Variants in ADAMTSL3 observed in about 807,000 individuals in gnomAD.
The protein encoded by ADAMTSL3 is ADAMTS-like protein 3.
ADAMTSL3 carries 128 observed loss-of-function variants against 201.7 expected under a neutral mutation model. That is an observed-to-expected ratio of 0.63 (90% CI 0.55 to 0.73). The LOEUF is 0.73. Ranked by LOEUF, ADAMTSL3 falls within the 30% of genes least tolerant of loss-of-function variation. The pLI is 0.00. For missense variants in ADAMTSL3, 1,990 were observed against 2,119.6 expected, an observed-to-expected ratio of 0.94 and a Z score of 1.20; for synonymous variants, 738 against 748.4, an observed-to-expected ratio of 0.99 and a Z score of 0.23.
At chr15:83,835,300 G>A (rs1025512389) in intron 6 of ADAMTSL3, among the ~76,000 whole-genome samples, 5 of 151,680 alleles carry the variant, frequency 3.3e-5, no homozygotes, top group African/African-American at 1.2e-4. Flanking sequence ...AAATTCAGTG[G>A]CCCCTCAATT....
intron 4 of ADAMTSL3, among the ~76,000 whole-genome samples, chr15:83,778,136 C>A (rs1453308766): frequency 6.6e-6 from 1 of 152,058 alleles, no homozygotes; most frequent in Non-Finnish European, 1.5e-5. Flanking sequence ...AGACCAAATC[C>A]ATGACTTACT....
At chr15:83,869,263 A>G (rs1206596843) in intron 8 of ADAMTSL3, among the ~76,000 whole-genome samples, 2 of 152,014 alleles carry the variant, frequency 1.3e-5, no homozygotes, top group African/African-American at 4.8e-5. Flanking sequence ...GGGCCCATTT[A>G]CTATCTCTAG....
intron 26 of ADAMTSL3, 98 bp from the exon 27 acceptor site, chr15:84,025,140 A>G: frequency 1.0e-6 from 1 of 984,144 alleles, no homozygotes; most frequent in South Asian, 1.7e-5. Context: ...AGCCTAAGAT[A>G]GCCATGGTGT....
At chr15:83,830,061 G>A (rs1264917831) in intron 6 of ADAMTSL3, among the ~76,000 whole-genome samples, 1 of 152,088 alleles carries the variant, frequency 6.6e-6, no homozygotes, top group African/African-American at 2.4e-5. Flanking sequence ...GTTGGATGTG[G>A]GGAGTGAGAG....
chr15:83,821,821 G>A (rs1439071751), intron 6 of ADAMTSL3, among the ~76,000 whole-genome samples: 4 of 151,544 alleles, frequency 2.6e-5, no homozygotes, highest in African/African-American at 2.4e-5. Context: ...AGGGGCGGCC[G>A]GGCAGAGGCG....
chr15:83,801,184 T>C (rs2141851966), intron 4 of ADAMTSL3, among the ~76,000 whole-genome samples: 1 of 152,338 alleles, frequency 6.6e-6, no homozygotes, highest in African/African-American at 2.4e-5. Context: ...TATTAAGACA[T>C]GGCCAACCCA....
chr15:83,704,965 AGTGT>A (rs10536633), intron 3 of ADAMTSL3, among the ~76,000 whole-genome samples: 47,621 of 147,490 alleles, frequency 0.32, 7,861 homozygotes, highest in Middle Eastern at 0.45. Context: ...TATGTCTGTG[AGTGT>A]GTGTGTGTGT....
intron 20 of ADAMTSL3, among the ~76,000 whole-genome samples, chr15:83,972,744 C>A (rs994354510): frequency 6.6e-6 from 1 of 152,146 alleles, no homozygotes. Context: ...GGAATGCATG[C>A]TCCCAGCACA....
At position 83,942,896 on chromosome 15, in the gene ADAMTSL3, T is replaced by G; in HGVS notation, c.2311-7T>G. On this transcript the variant is annotated splice_region_variant and splice_polypyrimidine_tract_variant and intron_variant, in intron 18 of 29. Coordinates refer to ENST00000286744, the MANE Select transcript of ADAMTSL3 (RefSeq NM_207517.3). The stretch of plus-strand genomic sequence containing the variant: ...GCCTGCCGCCTCACCCCCTCTTGTC[T>G]TCTTAGTGTTCCAGGACTTGTGGCG... The G allele has an allele frequency of 6.2e-7, 1 of 1,610,904 alleles. No homozygotes were observed. The highest frequency in any genetic ancestry group is 8.5e-7 in the Non-Finnish European group (1 of 1,178,444).
intron 4 of ADAMTSL3, among the ~76,000 whole-genome samples, chr15:83,779,124 G>C (rs894566720): frequency 5.9e-5 from 9 of 152,084 alleles, no homozygotes; most frequent in African/African-American, 2.2e-4. Context: ...CAAATTCTTA[G>C]AGACCTTCAA....
intron 22 of ADAMTSL3, among the ~76,000 whole-genome samples, chr15:83,989,898 G>A (rs1196837884): frequency 2.0e-5 from 3 of 152,182 alleles, no homozygotes; most frequent in Admixed American, 6.5e-5. Context: ...AGACAGTTCT[G>A]CTCCACTTGT....
rs766365650 is a variant in ADAMTSL3 at position 83,870,839 on chromosome 15, A to G, written c.840A>G (p.Glu280=). 5 of 1,611,034 alleles carry G rather than the reference A, an allele frequency of 3.1e-6. No homozygotes were observed. Among genetic ancestry groups the G allele is most frequent in the Non-Finnish European group, 2.5e-6 (3 of 1,179,124 alleles). Residue 280 remains glutamate (E), a synonymous_variant, in exon 9 of 30, where the codon GAA becomes GAG. Transcript: ENST00000286744. The stretch of plus-strand genomic sequence containing the variant: ...AAACACTTCAAGGAAGCAAAGGAGA[A>G]CACAGCTTTAACAGCCCCGGCGTCT... The part of the protein sequence containing the change: ...ESKTLQGSKG[E]HSFNSPGVFL...
At chr15:83,877,006 C>T (rs1383339288) in intron 9 of ADAMTSL3, among the ~76,000 whole-genome samples, 1 of 152,198 alleles carries the variant, frequency 6.6e-6, no homozygotes, top group Non-Finnish European at 1.5e-5. Flanking sequence ...ATTGGCCAGG[C>T]TGGTCTTGAA....
intron 4 of ADAMTSL3, among the ~76,000 whole-genome samples, chr15:83,781,745 C>T (rs919081169): frequency 1.3e-5 from 2 of 152,090 alleles, no homozygotes; most frequent in African/African-American, 4.8e-5. Flanking sequence ...AAACAAACAA[C>T]TCCATTAAAA....
chr15:83,847,047 T>A (rs909548862), intron 7 of ADAMTSL3, among the ~76,000 whole-genome samples: 1 of 152,094 alleles, frequency 6.6e-6, no homozygotes, highest in Non-Finnish European at 1.5e-5. Flanking sequence ...TAAACATACG[T>A]CAGGTTGGGA....
At chr15:83,670,706 T>C (rs1167228874) in intron 2 of ADAMTSL3, among the ~76,000 whole-genome samples, 2 of 152,182 alleles carry the variant, frequency 1.3e-5, no homozygotes, top group African/African-American at 4.8e-5. Context: ...ACTGCTCTGG[T>C]TAATAGACCC....
At chr15:83,810,210 C>A (rs574255394) in intron 5 of ADAMTSL3, among the ~76,000 whole-genome samples, 1 of 152,314 alleles carries the variant, frequency 6.6e-6, no homozygotes, top group South Asian at 2.1e-4. Context: ...GAGCACGATG[C>A]AAATGCTTCA....
At chr15:83,786,466 ACT>A (rs1325369909) in intron 4 of ADAMTSL3, among the ~76,000 whole-genome samples, 3 of 151,914 alleles carry the variant, frequency 2.0e-5, no homozygotes, top group Non-Finnish European at 4.4e-5. Flanking sequence ...TTCTAATTAT[ACT>A]CTTTTAGGTA....
intron 4 of ADAMTSL3, among the ~76,000 whole-genome samples, chr15:83,775,776 G>C (rs919069): frequency 0.78 from 119,041 of 152,160 alleles, 47,530 homozygotes; most frequent in East Asian, 0.98. Flanking sequence ...GATTTCTTGC[G>C]TCCAATTCCC....
Sources: allele counts gnomAD v4.1 joint callset (sites outside exome capture counted in the v4.1 genomes callset), GRCh38; gene constraint gnomAD v4.1.1; transcripts MANE v1.5; gene names NCBI Gene and HGNC (gene_info 2026-07-23, HGNC 2026-07-21).